The following ZNF783 variants were observed in gnomAD, a reference collection of about 807,000 sequenced individuals.
ZNF783 encodes zinc finger protein 783.
ZNF783 carries 25 observed loss-of-function variants against 31.3 expected under a neutral mutation model. That is an observed-to-expected ratio of 0.80 (90% confidence interval 0.58 to 1.11). The LOEUF (loss-of-function observed/expected upper bound fraction) is 1.11, where lower values mean the gene tolerates loss of function less well. ZNF783 is among the 50% of genes most tolerant of loss of function. The pLI is 0.00. For synonymous variants in ZNF783, 369 were observed against 319.1 expected (o/e 1.16, Z -1.66); for missense variants, 797 against 760.0 (o/e 1.05, Z -0.57).
rs755525423 is a variant in ZNF783, at chr7:149,267,220, C to T, written c.671C>T (p.Thr224Ile). The stretch of plus-strand genomic sequence containing the variant: ...GTGGGACGTCCAAGGATGATGGGCA[C>T]TGGTAAGTATAGGAGCCAGATGTGG... Reference protein sequence around the residue: ...VEVGRPRMMGTGLPPYPEHLT... With the variant: ...VEVGRPRMMGIGLPPYPEHLT... Residue 224 changes from threonine to isoleucine, a missense_variant and splice_region_variant, in exon 4 of 6, where the codon ACT becomes ATT. By Grantham distance (89) the Thr-to-Ile change is moderately conservative (BLOSUM62 -1). Coordinates refer to ENST00000434415, the MANE Select transcript of ZNF783 (RefSeq NM_001195220.2). 4.4e-6 allele frequency: 7 copies of T among 1,592,306 alleles called. No homozygotes were observed. The African/African-American group carries it at 6.7e-5, about 15-fold the overall frequency.
chr7:149,278,059 G>C (rs1324049197), intron 4 of ZNF783: 1 of 740,338 alleles, frequency 1.4e-6, no homozygotes, highest in Non-Finnish European at 1.8e-6. Flanking sequence ...GAGGAGGCCC[G>C]ACTGCGGGAG....
At chr7:149,276,547 T>G (rs1797333332) in intron 4 of ZNF783, 1 of 985,438 alleles carries the variant, frequency 1.0e-6, no homozygotes. Context: ...GATTATTACT[T>G]TTCATCACTA....
rs974992711 is a variant in ZNF783, at chr7:149,262,429, T to C, written c.24+72T>C. 8.6e-5 allele frequency: 101 copies of C among 1,167,682 alleles called. No individual in the cohort carries two copies. The South Asian group carries it at 1.0e-3, about 12-fold the overall frequency. 72.3% of individuals were successfully genotyped at this position (1,167,682 alleles called of 1,614,324 possible). On this transcript the variant is annotated intron_variant, in intron 1 of 5. Transcript: ENST00000434415. ...CCGCGTGAGCCCGCGCGAGGGACTC[T>C]GGCCGCGCGAGGCCGCGGGGTGAGA...
At chr7:149,263,280 GTGTGTGTGTGTGTGTGTGTGTGTGTA>G in intron 1 of ZNF783, among the ~76,000 whole-genome samples, 1 of 93,056 alleles carries the variant, frequency 1.1e-5, no homozygotes, top group African/African-American at 4.7e-5. Context: ...GTGTGTGTGT[GTGTGTGTGTGTGTGTGTGTGTGTGTA>G]TATATATATA....
In ZNF783 at chr7:149,272,016, T is replaced by A. The variant is rs76365869; in HGVS notation, c.673+4794T>A. 6.7e-3 allele frequency among the ~76,000 whole-genome samples: 1,027 copies of A among 152,314 alleles called. 11 individuals are homozygous for A. The highest frequency in any genetic ancestry group is 0.037 in the Middle Eastern group (11 of 294). ...TGTTTTTGCCAACGTATCTTTTTTT[T>A]AAATTTATTTTTTGTGAGAAGGAGT... On this transcript the variant is annotated intron_variant, in intron 4 of 5. Transcript: ENST00000434415.
chr7:149,275,226 C>T (rs951686464), intron 4 of ZNF783, among the ~76,000 whole-genome samples: 2 of 151,102 alleles, frequency 1.3e-5, no homozygotes, highest in Non-Finnish European at 2.9e-5. Context: ...AAAAAGGCTA[C>T]TGATTTTGTA....
At chr7:149,278,832 G>A (rs367965050) in intron 5 of ZNF783, among the ~76,000 whole-genome samples, 11 of 152,220 alleles carry the variant, frequency 7.2e-5, no homozygotes, top group African/African-American at 2.4e-4. Context: ...GGTGTGTTGT[G>A]CCTGCCCAGG....
intron 3 of ZNF783, 39 bp from the exon 4 acceptor site, chr7:149,267,058 T>TG: frequency 6.2e-7 from 1 of 1,606,802 alleles, no homozygotes; most frequent in Non-Finnish European, 8.5e-7. Flanking sequence ...TGTGGGCATG[T>TG]GGGGTCCAGC....
rs1797518128 is a variant in ZNF783 at position 149,282,974 on chromosome 7, G to GTTA, written c.*633_*634insATT. 2 of 107,564 alleles carry GTTA rather than the reference G, an allele frequency of 1.9e-5. No individual in the cohort carries two copies. The highest frequency in any genetic ancestry group is 6.3e-5 in the African/African-American group (2 of 31,602). 6.7% of individuals were successfully genotyped at this position (107,564 alleles called of 1,614,324 possible). A position where few individuals can be genotyped will look rare whatever the true frequency, so the allele number is the denominator to read the frequency against. On this transcript the variant is annotated 3_prime_UTR_variant, in exon 6 of 6. Coordinates refer to ENST00000434415, the MANE Select transcript of ZNF783 (RefSeq NM_001195220.2). ...GTCTTTTGGTTTTTTTTTTGTTGTT[G>GTTA]TTGTTGTTTTTTTAAGATGGAGTTT...
chr7:149,278,193 G>A (rs1454054351), intron 4 of ZNF783: 1 of 1,367,442 alleles, frequency 7.3e-7, no homozygotes, highest in African/African-American at 1.5e-5. Flanking sequence ...CTGAATTCCT[G>A]TGCTGCAGTT....
intron 4 of ZNF783, among the ~76,000 whole-genome samples, chr7:149,273,410 T>C (rs1286638630): frequency 6.6e-6 from 1 of 152,214 alleles, no homozygotes; most frequent in Non-Finnish European, 1.5e-5. Context: ...CTCGCCAGCA[T>C]GTGTTATTGC....
At position 149,282,320 on chromosome 7, in the gene ZNF783, C is replaced by A. The variant is rs1183077124; in HGVS notation, c.1618C>A (p.Pro540Thr). ...CCACGGGAGCCTGCCCCTGCCCTGG[C>A]CCAGCCGGAAGGAGGAGGGCTGACC... ...ARHGSLPLPW[P>T]SRKEEG Residue 540 changes from proline to threonine, a missense_variant, in exon 6 of 6, where the codon CCC becomes ACC. Physicochemically the swap from Pro to Thr is conservative, Grantham distance 38 (BLOSUM62 -1). Coordinates refer to ENST00000434415, the MANE Select transcript of ZNF783 (RefSeq NM_001195220.2). 3 of 1,542,588 alleles carry A rather than the reference C, an allele frequency of 1.9e-6. No individual in the cohort carries two copies. The highest frequency in any genetic ancestry group is 1.7e-4 in the Middle Eastern group (1 of 5,916).
chr7:149,281,398 TG>T, intron 5 of ZNF783, 106 bp from the exon 6 acceptor site: 1 of 954,338 alleles, frequency 1.0e-6, no homozygotes, highest in Non-Finnish European at 1.4e-6. Flanking sequence ...GTGAGCACTG[TG>T]GGGAGATAGG....
At position 149,262,248 on chromosome 7, in the gene ZNF783, C is replaced by A. The variant is rs1796941608; in HGVS notation, c.-86C>A. On this transcript the variant is annotated 5_prime_UTR_variant, in exon 1 of 6. Transcript: ENST00000434415. The stretch of plus-strand genomic sequence containing the variant: ...TAGCTCTCAGGTTAGGCGGGTCCCG[C>A]TCCGCTTCCGCCGTCGCTGCCGCGC... 2 of 1,243,212 alleles carry A rather than the reference C, an allele frequency of 1.6e-6. No individual in the cohort carries two copies. The highest frequency in any genetic ancestry group is 2.0e-5 in the South Asian group (1 of 49,902). 77.0% of individuals were successfully genotyped at this position (1,243,212 alleles called of 1,614,324 possible).
In ZNF783 at chr7:149,282,644, G is replaced by C. The variant is rs1225636296; in HGVS notation, c.*301G>C. The C allele has an allele frequency of 5.8e-6, 2 of 344,918 alleles. No individual in the cohort carries two copies. The highest frequency in any genetic ancestry group is 7.6e-4 in the Middle Eastern group (1 of 1,314). The allele number at this position is 344,918 out of a possible 1,614,324, so 21.4% of individuals were successfully genotyped here. ...AGGACCAGAGATCATGGCCCTTCCA[G>C]TATGGGGGCGATAGAGACATCGGGG... On this transcript the variant is annotated 3_prime_UTR_variant, in exon 6 of 6. Coordinates refer to ENST00000434415, the MANE Select transcript of ZNF783 (RefSeq NM_001195220.2).
rs564339732 is a variant in ZNF783, at chr7:149,281,404, G to A, written c.803-101G>A. 1.2e-5 allele frequency: 13 copies of A among 1,074,174 alleles called. No individual in the cohort carries two copies. The African/African-American group carries it at 1.5e-4, about 12-fold the overall frequency. 66.5% of individuals were successfully genotyped at this position (1,074,174 alleles called of 1,614,324 possible). Reference sequence around the variant, plus strand: ...CAATGTGCTGTGAGCACTGTGGGGAGATAGGGCCCGGGCTGAGGCTGGAAG... The same window carrying A: ...CAATGTGCTGTGAGCACTGTGGGGAAATAGGGCCCGGGCTGAGGCTGGAAG... On this transcript the variant is annotated intron_variant, in intron 5 of 5. Transcript: ENST00000434415.
Position 149,281,823 on chromosome 7 carries a change from AG to A in ZNF783, c.1125del (p.Arg376GlyfsTer189). 1 of 1,506,622 alleles carries A rather than the reference AG, an allele frequency of 6.6e-7. No homozygotes were observed. Among genetic ancestry groups the A allele is most frequent in the Non-Finnish European group, 8.8e-7 (1 of 1,137,960 alleles). The allele number at this position is 1,506,622 out of a possible 1,614,324, so 93.3% of individuals were successfully genotyped here. On this transcript the variant is annotated frameshift_variant, in exon 6 of 6. Coordinates refer to ENST00000434415, the MANE Select transcript of ZNF783 (RefSeq NM_001195220.2). LOFTEE classifies it low-confidence loss of function (END_TRUNC). ...LTIHQRTHVE[E>X]GRQEAPGRSP... ...ATTCATCAGCGGACCCATGTGGAGG[AG>A]GGGCGGCAGGAGGCCCCCGGCCGCT...
Position 149,266,730 on chromosome 7 carries a change from G to T in ZNF783, c.420G>T (p.Lys140Asn), listed in dbSNP as rs766131532. Residue 140 changes from lysine (K) to asparagine (N), a missense_variant and splice_region_variant, in exon 2 of 6, where the codon AAG (lysine) becomes AAT (asparagine). Coordinates refer to ENST00000434415, the MANE Select transcript of ZNF783 (RefSeq NM_001195220.2). The part of the protein sequence containing the change: ...LPPGSKGEAP[K>N]VPVTFDDVAV... The stretch of plus-strand genomic sequence containing the variant: ...CGGGCAGCAAGGGGGAGGCCCCCAA[G>T]GTAGCACCGGGACACCCTGGGGTGG... The T allele has an allele frequency of 2.1e-5, 34 of 1,613,588 alleles. No individual in the cohort carries two copies. Among genetic ancestry groups the T allele is most frequent in the Non-Finnish European group, 2.7e-5 (32 of 1,179,802 alleles).
chr7:149,269,711 G>A (rs1797166233), intron 4 of ZNF783, among the ~76,000 whole-genome samples: 1 of 152,000 alleles, frequency 6.6e-6, no homozygotes. Flanking sequence ...GGGTGCATGT[G>A]CACAATGTGC....
Sources: allele counts gnomAD v4.1 joint callset (sites outside exome capture counted in the v4.1 genomes callset), GRCh38; gene constraint gnomAD v4.1.1; transcripts MANE v1.5; gene names NCBI Gene and HGNC (gene_info 2026-07-23, HGNC 2026-07-21).